RASEF: variants seen among roughly 807,000 people sequenced by gnomAD.
The protein encoded by RASEF is RAS and EF-hand domain containing.
RASEF carries 68 observed loss-of-function variants against 90.1 expected under a neutral mutation model. The ratio of observed to expected loss-of-function variants is 0.75; its 90% CI spans 0.62 to 0.92. The LOEUF (loss-of-function observed/expected upper bound fraction) is 0.92. RASEF is among the 40% of genes least tolerant of loss of function. The probability of loss-of-function intolerance (pLI) is 0.00; values close to 1 mark genes in which losing one functional copy is unlikely to be tolerated. For missense variants in RASEF, 949 were observed against 937.2 expected, an observed-to-expected ratio of 1.01 and a Z score of -0.16; for synonymous variants, 331 against 345.2, an observed-to-expected ratio of 0.96 and a Z score of 0.46.
At chr9:83,155,383 C>T in the RASEF span, among the ~76,000 whole-genome samples, 1 of 152,142 alleles carries the variant, frequency 6.6e-6, no homozygotes, top group African/African-American at 2.4e-5. Flanking sequence ...GGAGGCCTCA[C>T]AATCATGGCA....
chr9:83,042,370 G>A lies in RASEF; in HGVS notation c.432-16449C>T, dbSNP rs115807746. Among the ~76,000 whole-genome samples the A allele has an allele frequency of 6.8e-3, 1,031 of 152,244 alleles. 10 individuals are homozygous for A. Among genetic ancestry groups the A allele is most frequent in the African/African-American group, 0.024 (992 of 41,542 alleles). ...TTCCCCTAAGACTCAAAAGAGAAAGGATTAAAAATAATTTCAGTGACCAAC... is the reference window on the plus strand; with the variant it reads ...TTCCCCTAAGACTCAAAAGAGAAAGAATTAAAAATAATTTCAGTGACCAAC... On this transcript the variant is annotated intron_variant, in intron 1 of 16. Transcript: ENST00000376447.
At chr9:83,002,107 T>C (rs1829050951) in intron 9 of RASEF, among the ~76,000 whole-genome samples, 1 of 152,200 alleles carries the variant, frequency 6.6e-6, no homozygotes, top group Non-Finnish European at 1.5e-5. Flanking sequence ...GGTTATGACT[T>C]ATTTACCACC....
At chr9:83,020,548 C>T (rs1490913889) in intron 3 of RASEF, among the ~76,000 whole-genome samples, 2 of 152,106 alleles carry the variant, frequency 1.3e-5, no homozygotes, top group Non-Finnish European at 2.9e-5. Context: ...CCTGGACTGG[C>T]GTGCTGAGGT....
chr9:83,129,816 T>G, the RASEF span, among the ~76,000 whole-genome samples: 1 of 152,222 alleles, frequency 6.6e-6, no homozygotes, highest in South Asian at 2.1e-4. Context: ...GCTACAGCAC[T>G]GGTTTTAATT....
At position 83,025,789 on chromosome 9, in the gene RASEF, G is replaced by A. The variant is rs777884241; in HGVS notation, c.564C>T (p.Ala188=). The A allele has an allele frequency of 6.2e-7, 1 of 1,613,704 alleles. No homozygotes were observed. Among genetic ancestry groups the A allele is most frequent in the South Asian group, 1.1e-5 (1 of 90,954 alleles). The change falls in exon 2 of 17, where the codon GCC becomes GCT. Residue 188 remains alanine, a synonymous_variant. Transcript: ENST00000376447. ...GACTTCAATACCTCTTCACCGCAAT[G>A]GCCAAATTTTCCATTTCTGTGCTTT... is the stretch of plus-strand genomic sequence containing the variant. ...RLQSTEMENL[A]IAVKRAQDKA... is the part of the protein sequence containing the mutation.
rs563082207 is a variant in RASEF, at chr9:82,991,116, C to A, written c.2041-649G>T. Among the ~76,000 whole-genome samples, 452 of 152,166 alleles carry A rather than the reference C, an allele frequency of 3.0e-3. 3 individuals carry two copies. The highest frequency in any genetic ancestry group is 0.01 in the African/African-American group (423 of 41,526). On this transcript the variant is annotated intron_variant, in intron 15 of 16. Coordinates refer to ENST00000376447, the MANE Select transcript of RASEF (RefSeq NM_152573.4). ...GAGCTTCACCTCCCACCTCACTCAT[C>A]CCCCACTCACTCACAGAGCTGCAGT...
chr9:83,052,805 A>G (rs1219864128), intron 1 of RASEF, among the ~76,000 whole-genome samples: 1 of 132,106 alleles, frequency 7.6e-6, no homozygotes, highest in Non-Finnish European at 1.6e-5. Context: ...TTATGTACCC[A>G]GTAGTCATTC....
the RASEF span, among the ~76,000 whole-genome samples, chr9:83,148,495 T>G: frequency 6.6e-6 from 1 of 152,104 alleles, no homozygotes; most frequent in East Asian, 1.9e-4. Flanking sequence ...AGCCAGAGAT[T>G]GCTAACAAAC....
the RASEF span, among the ~76,000 whole-genome samples, chr9:83,074,800 T>G: frequency 6.6e-6 from 1 of 152,224 alleles, no homozygotes; most frequent in Non-Finnish European, 1.5e-5. Flanking sequence ...ACATTTCATG[T>G]ATTCTCATAG....
the RASEF span, among the ~76,000 whole-genome samples, chr9:83,192,412 G>A: frequency 2.6e-5 from 4 of 152,116 alleles, no homozygotes; most frequent in Admixed American, 1.3e-4. Context: ...GCAAGAACAT[G>A]GATGCAGCCA....
At chr9:83,131,671 T>C in the RASEF span, among the ~76,000 whole-genome samples, 1 of 152,186 alleles carries the variant, frequency 6.6e-6, no homozygotes, top group African/African-American at 2.4e-5. Context: ...GCTATATAAA[T>C]GCCAAGACTC....
the RASEF span, among the ~76,000 whole-genome samples, chr9:83,092,003 C>CTTTTTTTTTTTTTTTTTTTT: frequency 2.1e-3 from 74 of 35,920 alleles, 3 homozygotes; most frequent in South Asian, 5.6e-3. Flanking sequence ...TCTTTTATTT[C>CTTTTTTTTTTTTTTTTTTTT]TTTTTTTTTT....
chr9:82,995,823 C>T (rs1828905796), intron 14 of RASEF, among the ~76,000 whole-genome samples: 1 of 152,254 alleles, frequency 6.6e-6, no homozygotes, highest in African/African-American at 2.4e-5. Flanking sequence ...TCAGGAGGTT[C>T]GGTTTGAGCC....
At chr9:83,203,625 T>C in the RASEF span, among the ~76,000 whole-genome samples, 2 of 152,160 alleles carry the variant, frequency 1.3e-5, no homozygotes, top group Admixed American at 6.5e-5. Context: ...ATAGGATGCC[T>C]TGAGAGAAAA....
chr9:82,995,753 C>T (rs1828904431), intron 14 of RASEF, among the ~76,000 whole-genome samples: 1 of 152,146 alleles, frequency 6.6e-6, no homozygotes, highest in Admixed American at 6.5e-5. Flanking sequence ...ATATCAGAGG[C>T]TTCTTCAAGT....
chr9:83,031,731 C>T (rs750914639), intron 1 of RASEF, among the ~76,000 whole-genome samples: 4 of 152,144 alleles, frequency 2.6e-5, no homozygotes, highest in South Asian at 4.1e-4. Context: ...GGATTACCCA[C>T]GTTACAAGAG....
the RASEF span, among the ~76,000 whole-genome samples, chr9:83,128,472 T>A: frequency 6.6e-6 from 1 of 151,388 alleles, no homozygotes; most frequent in African/African-American, 2.4e-5. Flanking sequence ...CCTTTTTTTT[T>A]TTTTTTTGCA....
chr9:83,097,665 T>C, the RASEF span, among the ~76,000 whole-genome samples: 2 of 152,220 alleles, frequency 1.3e-5, no homozygotes, highest in Non-Finnish European at 2.9e-5. Context: ...TCATCATCAC[T>C]GGCCATCAGA....
At chr9:83,096,043 A>G in the RASEF span, among the ~76,000 whole-genome samples, 10 of 152,256 alleles carry the variant, frequency 6.6e-5, no homozygotes, top group East Asian at 1.7e-3. Context: ...AGGACTTAAT[A>G]GAGGCTTTTC....
Sources: allele counts gnomAD v4.1 joint callset (sites outside exome capture counted in the v4.1 genomes callset), GRCh38; gene constraint gnomAD v4.1.1; transcripts MANE v1.5; gene names NCBI Gene and HGNC (gene_info 2026-07-23, HGNC 2026-07-21).